UGT1A7: variants seen among roughly 807,000 people sequenced by gnomAD.
The protein encoded by UGT1A7 is UDP-glucuronosyltransferase 1A7.
A neutral mutation model predicts 45.6 loss-of-function variants in UGT1A7; 33 were observed. The observed-to-expected ratio is 0.72, with a 90% CI of 0.55 to 0.97. UGT1A7 has a LOEUF of 0.97. UGT1A7 is among the 50% of genes least tolerant of loss of function. The probability of loss-of-function intolerance (pLI) is 0.00; values close to 1 mark genes in which losing one functional copy is unlikely to be tolerated. For missense variants in UGT1A7, 684 were observed against 666.2 expected (o/e 1.03, Z -0.29); for synonymous variants, 274 against 250.6 (o/e 1.09, Z -0.88).
At chr2:233,764,888 CAA>C (rs869174020) in intron 1 of UGT1A7, among the ~76,000 whole-genome samples, 32 of 147,518 alleles carry the variant, frequency 2.2e-4, no homozygotes, top group African/African-American at 8.0e-4. Flanking sequence ...AAGGCAAAGA[CAA>C]AGCCCTTAAG....
intron 3 of UGT1A7, 127 bp downstream of exon 3, chr2:233,768,063 T>A (rs1012824630): frequency 1.3e-6 from 2 of 1,599,680 alleles, no homozygotes; most frequent in African/African-American, 2.7e-5. Context: ...CATTGCTTTT[T>A]ATCTAGTGGG....
At chr2:233,752,422 T>C (rs1694966934) in intron 1 of UGT1A7, 1 of 152,180 alleles carries the variant, frequency 6.6e-6, no homozygotes, top group Non-Finnish European at 1.5e-5. Context: ...GAAAACCTGA[T>C]TTATCGAACC....
intron 3 of UGT1A7, 49 bp from the exon 4 acceptor site, chr2:233,768,166 AGCTGT>A: frequency 6.2e-7 from 1 of 1,613,684 alleles, no homozygotes; most frequent in South Asian, 1.1e-5. Flanking sequence ...AGATGTGTCC[AGCTGT>A]GAAACTCAGA....
intron 1 of UGT1A7, chr2:233,693,966 T>C: frequency 6.3e-7 from 1 of 1,574,826 alleles, no homozygotes. Context: ...GAGGATTTCC[T>C]GGAGAAACGG....
chr2:233,756,339 T>G (rs1013422836), intron 1 of UGT1A7: 3 of 152,244 alleles, frequency 2.0e-5, no homozygotes, highest in Non-Finnish European at 4.4e-5. Context: ...TAGTCATCTC[T>G]TGATTACTTT....
At chr2:233,730,142 AC>A in intron 1 of UGT1A7, 1 of 1,517,928 alleles carries the variant, frequency 6.6e-7, no homozygotes, top group East Asian at 2.4e-5. Context: ...AGTGAGATAA[AC>A]TGTTAAGGGG....
At chr2:233,683,411 C>G (rs1466870497) in intron 1 of UGT1A7, among the ~76,000 whole-genome samples, 1 of 152,062 alleles carries the variant, frequency 6.6e-6, no homozygotes, top group Non-Finnish European at 1.5e-5. Context: ...GTGTTTTCCA[C>G]TTTTGGGGTT....
chr2:233,750,227 A>G (rs977533582), intron 1 of UGT1A7, among the ~76,000 whole-genome samples: 2 of 151,900 alleles, frequency 1.3e-5, no homozygotes, highest in African/African-American at 4.9e-5. Context: ...GAGATGAGGA[A>G]CTTATTGGGA....
intron 1 of UGT1A7, among the ~76,000 whole-genome samples, chr2:233,686,413 A>C (rs895224661): frequency 6.6e-6 from 1 of 152,186 alleles, no homozygotes; most frequent in Non-Finnish European, 1.5e-5. Flanking sequence ...TAAGGTGTGC[A>C]GATAAACACA....
chr2:233,726,224 T>G (rs1237222644), intron 1 of UGT1A7, among the ~76,000 whole-genome samples: 2 of 152,154 alleles, frequency 1.3e-5, no homozygotes, highest in Non-Finnish European at 2.9e-5. Context: ...TAGAAAACAT[T>G]TTTTAAAACT....
Position 233,769,477 on chromosome 2 carries a change from G to T in UGT1A7, c.1295+1038G>T. The T allele has an allele frequency of 6.2e-7, 1 of 1,611,324 alleles. No individual in the cohort carries two copies. The highest frequency in any genetic ancestry group is 8.5e-7 in the Non-Finnish European group (1 of 1,178,664). On this transcript the variant is annotated intron_variant, in intron 4 of 4. Coordinates refer to ENST00000373426, the MANE Select transcript of UGT1A7 (RefSeq NM_019077.3). This position sits in a 1 kb window ranked among gnomAD's most constrained non-coding sequence, Gnocchi z 4.4. Reference sequence around the variant, plus strand: ...TGCATTCATATGCGTGTGTGTGTGTGTGCGTGTGTTTATGAGAGTGTCCAT... The same window carrying T: ...TGCATTCATATGCGTGTGTGTGTGTTTGCGTGTGTTTATGAGAGTGTCCAT...
At chr2:233,742,091 C>T (rs1449888416) in intron 1 of UGT1A7, 1 of 151,792 alleles carries the variant, frequency 6.6e-6, no homozygotes, top group Non-Finnish European at 1.5e-5. Context: ...TTTACATTTC[C>T]AGGACCCACT....
At chr2:233,729,141 C>T (rs751723491) in intron 1 of UGT1A7, 1 of 1,613,272 alleles carries the variant, frequency 6.2e-7, no homozygotes, top group Admixed American at 1.7e-5. Flanking sequence ...CCACAGGACT[C>T]CAGGTTCCCC....
intron 1 of UGT1A7, among the ~76,000 whole-genome samples, chr2:233,757,535 A>AATAAATATACATATACATATATATAT (rs1553619837): frequency 3.1e-4 from 27 of 88,234 alleles, no homozygotes; most frequent in African/African-American, 1.4e-3. Context: ...GCCTGTAAGG[A>AATAAATATACATATACATATATATAT]ATATATATAT....
At chr2:233,732,952 T>C (rs1235178587) in intron 1 of UGT1A7, among the ~76,000 whole-genome samples, 1 of 152,176 alleles carries the variant, frequency 6.6e-6, no homozygotes, top group East Asian at 1.9e-4. Flanking sequence ...GCATGGAATG[T>C]TCTTCCATTT....
chr2:233,760,383 G>A (rs1029837369), intron 1 of UGT1A7: 1 of 1,614,062 alleles, frequency 6.2e-7, no homozygotes, highest in African/African-American at 1.3e-5. Flanking sequence ...AGATACTGTT[G>A]ATCCCAGTGG....
chr2:233,718,011 C>T (rs889602207), intron 1 of UGT1A7: 3 of 401,954 alleles, frequency 7.5e-6, no homozygotes, highest in African/African-American at 6.2e-5. Flanking sequence ...TGAGGCCAGG[C>T]TCCAGCTCCC....
intron 1 of UGT1A7, chr2:233,692,765 G>T: frequency 8.0e-7 from 1 of 1,253,638 alleles, no homozygotes; most frequent in African/African-American, 1.5e-5. Context: ...GAGCTGAAGA[G>T]AAACACCCAG....
chr2:233,749,047 T>C (rs561305390), intron 1 of UGT1A7, among the ~76,000 whole-genome samples: 1 of 151,806 alleles, frequency 6.6e-6, no homozygotes, highest in Non-Finnish European at 1.5e-5. Flanking sequence ...TGTGGTACTC[T>C]GGGACCTGAA....
Sources: allele counts gnomAD v4.1 joint callset (sites outside exome capture counted in the v4.1 genomes callset), GRCh38; gene constraint gnomAD v4.1.1; non-coding constraint Gnocchi (gnomAD v3.1); transcripts MANE v1.5; gene names NCBI Gene and HGNC (gene_info 2026-07-23, HGNC 2026-07-21).